Variants in CHD7 observed in about 807,000 individuals in gnomAD.
CHD7 encodes chromodomain helicase DNA binding protein 7.
Under a neutral mutation model 307.3 loss-of-function variants are expected in CHD7, and 24 were observed. The ratio of observed to expected loss-of-function variants is 0.08; its 90% CI spans 0.06 to 0.11. CHD7 has a LOEUF of 0.11. CHD7 is among the 10% of genes least tolerant of loss of function. The pLI is 1.00. For missense variants in CHD7, 3,106 were observed against 3,727.1 expected, an observed-to-expected ratio of 0.83 and a Z score of 4.34; for synonymous variants, 1,363 against 1,349.9, an observed-to-expected ratio of 1.01 and a Z score of -0.21.
chr8:60,822,752 C>G lies in CHD7; in HGVS notation c.3201+6C>G. The G allele has an allele frequency of 1.2e-6, 2 of 1,601,280 alleles. No homozygotes were observed. The highest frequency in any genetic ancestry group is 8.5e-7 in the Non-Finnish European group (1 of 1,171,414). On this transcript the variant is annotated splice_donor_region_variant and intron_variant, in intron 12 of 37. Transcript: ENST00000423902. Reference sequence around the variant, plus strand: ...TGTACTTCAAAGATCCCCAGGTAAACCTTCACAGGTTGTATTCTTTGTACT... The same window carrying G: ...TGTACTTCAAAGATCCCCAGGTAAAGCTTCACAGGTTGTATTCTTTGTACT...
At chr8:60,800,616 T>C in intron 5 of CHD7, 91 bp downstream of exon 5, 2 of 1,295,048 alleles carry the variant, frequency 1.5e-6, no homozygotes, top group Non-Finnish European at 2.1e-6. Flanking sequence ...GTGGAAGCAT[T>C]GGACTTTCAG....
intron 25 of CHD7, among the ~76,000 whole-genome samples, chr8:60,849,460 G>A (rs1457515815): frequency 1.1e-4 from 16 of 152,154 alleles, no homozygotes; most frequent in South Asian, 4.1e-4. Flanking sequence ...CTTCCAGCGC[G>A]GCTTCCCTTG....
At chr8:60,727,752 C>G (rs1808244255) in intron 1 of CHD7, among the ~76,000 whole-genome samples, 2 of 152,206 alleles carry the variant, frequency 1.3e-5, no homozygotes, top group Admixed American at 1.3e-4. Flanking sequence ...GGCCATATCT[C>G]AGCTCAGCAT....
At chr8:60,830,698 T>G in intron 15 of CHD7, 121 bp downstream of exon 15, 3 of 1,140,516 alleles carry the variant, frequency 2.6e-6, no homozygotes, top group Non-Finnish European at 3.7e-6. Context: ...CCACTCAGCA[T>G]GGGTTTCACC....
At chr8:60,856,338 G>A in intron 33 of CHD7, 107 bp from the exon 34 acceptor site, 1 of 1,278,060 alleles carries the variant, frequency 7.8e-7, no homozygotes, top group Non-Finnish European at 1.1e-6. Context: ...CACCAGTCAT[G>A]AATGCTTAAT....
At chr8:60,680,085 A>T (rs1029894181) in intron 1 of CHD7, among the ~76,000 whole-genome samples, 1 of 150,390 alleles carries the variant, frequency 6.6e-6, no homozygotes, top group Non-Finnish European at 1.5e-5. Context: ...TAACCTTCCA[A>T]CGCAACTCGG....
intron 1 of CHD7, among the ~76,000 whole-genome samples, chr8:60,722,697 T>C (rs2091436800): frequency 6.6e-6 from 1 of 152,238 alleles, no homozygotes; most frequent in South Asian, 2.1e-4. Context: ...GATTCCTTCC[T>C]ATTTTTATAA....
intron 3 of CHD7, among the ~76,000 whole-genome samples, chr8:60,783,730 G>A (rs151251764): frequency 2.2e-3 from 340 of 152,260 alleles, no homozygotes; most frequent in African/African-American, 7.8e-3. Context: ...CAGGTTAAAC[G>A]GGAGCTGCTG....
At chr8:60,805,474 G>C (rs1024963899) in intron 6 of CHD7, among the ~76,000 whole-genome samples, 1 of 152,154 alleles carries the variant, frequency 6.6e-6, no homozygotes, top group African/African-American at 2.4e-5. Context: ...GAACCTGGTT[G>C]GTTCCTCCTA....
At chr8:60,705,408 T>C (rs1806976735) in intron 1 of CHD7, among the ~76,000 whole-genome samples, 1 of 152,236 alleles carries the variant, frequency 6.6e-6, no homozygotes, top group African/African-American at 2.4e-5. Context: ...TGCATAAACA[T>C]GCTTATTTGT....
intron 3 of CHD7, among the ~76,000 whole-genome samples, chr8:60,781,996 A>G (rs1811261799): frequency 6.6e-6 from 1 of 151,902 alleles, no homozygotes; most frequent in South Asian, 2.1e-4. Flanking sequence ...TCTAGGGAAG[A>G]CCCTCTTTCA....
intron 1 of CHD7, among the ~76,000 whole-genome samples, chr8:60,688,248 A>G (rs1806013010): frequency 6.6e-6 from 1 of 152,186 alleles, no homozygotes; most frequent in Non-Finnish European, 1.5e-5. Context: ...ATAAAAATGG[A>G]CATAATACAT....
At chr8:60,852,731 C>G (rs769713323) in intron 30 of CHD7, 25 bp downstream of exon 30, 1 of 1,612,458 alleles carries the variant, frequency 6.2e-7, no homozygotes, top group South Asian at 1.1e-5. Context: ...CAACAAAGTT[C>G]TATACAAAAA....
intron 2 of CHD7, among the ~76,000 whole-genome samples, chr8:60,767,313 C>G (rs1810517836): frequency 6.6e-6 from 1 of 152,098 alleles, no homozygotes; most frequent in Non-Finnish European, 1.5e-5. Flanking sequence ...TCAGTAGATG[C>G]TTGAAGAAGT....
At chr8:60,781,606 T>C (rs1811237079) in intron 3 of CHD7, among the ~76,000 whole-genome samples, 176 bp downstream of exon 3, 1 of 152,218 alleles carries the variant, frequency 6.6e-6, no homozygotes, top group South Asian at 2.1e-4. Flanking sequence ...TTCTGAAAGT[T>C]AGGACTTATT....
chr8:60,720,311 G>T (rs1488945723), intron 1 of CHD7, among the ~76,000 whole-genome samples: 2 of 152,140 alleles, frequency 1.3e-5, no homozygotes, highest in African/African-American at 2.4e-5. Context: ...CTAGACAGGG[G>T]TATTACAGGG....
chr8:60,724,183 C>G (rs1353312081), intron 1 of CHD7, among the ~76,000 whole-genome samples: 1 of 152,206 alleles, frequency 6.6e-6, no homozygotes, highest in East Asian at 1.9e-4. Flanking sequence ...CCTTCCTGTC[C>G]CTTTCAGCCA....
chr8:60,736,479 T>C (rs1239340157), intron 1 of CHD7, among the ~76,000 whole-genome samples: 1 of 152,184 alleles, frequency 6.6e-6, no homozygotes, highest in Non-Finnish European at 1.5e-5. Flanking sequence ...CTCCATGGGT[T>C]ATGATGAGGG....
chr8:60,779,092 C>T (rs1302906179), intron 2 of CHD7, among the ~76,000 whole-genome samples: 2 of 152,166 alleles, frequency 1.3e-5, no homozygotes, highest in Non-Finnish European at 2.9e-5. Context: ...CTATGACCAG[C>T]AAAGGGCAAT....
Sources: gnomAD v4.1 joint callset for allele counts (sites outside exome capture counted in the v4.1 genomes callset) on GRCh38, gnomAD v4.1.1 for gene constraint, MANE v1.5 for transcripts, NCBI Gene and HGNC (gene_info 2026-07-23, HGNC 2026-07-21) for gene names.